The following ITGAE variants were observed in gnomAD, a reference collection of about 807,000 sequenced individuals.
ITGAE encodes the protein integrin subunit alpha E.
ITGAE carries 99 observed loss-of-function variants against 136.5 expected under a neutral mutation model. The ratio of observed to expected loss-of-function variants is 0.73; its 90% CI spans 0.62 to 0.86. The LOEUF (loss-of-function observed/expected upper bound fraction) is 0.86. Ranked by LOEUF, ITGAE falls within the 40% of genes least tolerant of loss-of-function variation. The pLI is 0.00. For missense variants in ITGAE, 1,447 were observed against 1,515.3 expected (o/e 0.95, Z 0.75); for synonymous variants, 613 against 591.8 (o/e 1.04, Z -0.52).
At chr17:3,729,606 T>G in intron 23 of ITGAE, 51 bp from the exon 24 acceptor site, 1 of 1,199,174 alleles carries the variant, frequency 8.3e-7, no homozygotes, top group Non-Finnish European at 1.2e-6. Context: ...ACATAGCAAG[T>G]GCTTCTTAAA....
chr17:3,719,676 GAC>G, intron 29 of ITGAE, among the ~76,000 whole-genome samples: 1 of 152,230 alleles, frequency 6.6e-6, no homozygotes, highest in South Asian at 2.1e-4. Context: ...AGCACACTAA[GAC>G]AGTTACTGGA....
rs1455506212 is a variant in ITGAE at position 3,727,999 on chromosome 17, C to G, written c.3004G>C (p.Glu1002Gln). 1.9e-6 allele frequency: 3 copies of G among 1,614,108 alleles called. No individual in the cohort carries two copies. Among genetic ancestry groups the G allele is most frequent in the Non-Finnish European group, 2.5e-6 (3 of 1,179,962 alleles). The change falls in exon 26 of 31, where the codon GAA becomes CAA. Residue 1002 changes from glutamate to glutamine, a missense_variant. Coordinates refer to ENST00000263087, the MANE Select transcript of ITGAE (RefSeq NM_002208.5). ...GGGACGCAAATTTGCAACTGGTATT[C>G]TGCTCCAAAGAGGTTCTCCCCATGT... is the stretch of plus-strand genomic sequence containing the variant. The part of the protein sequence containing the change: ...HVHGENLFGA[E>Q]YQLQICVPTK...
intron 2 of ITGAE, 50 bp downstream of exon 2, chr17:3,777,490 G>T: frequency 6.4e-7 from 1 of 1,556,432 alleles, no homozygotes; most frequent in Non-Finnish European, 8.7e-7. Context: ...ATCTCAGATT[G>T]CCTGGAAGCC....
At chr17:3,730,199 T>TA (rs1567516654) in intron 23 of ITGAE, among the ~76,000 whole-genome samples, 2 of 152,026 alleles carry the variant, frequency 1.3e-5, no homozygotes, top group Non-Finnish European at 2.9e-5. Context: ...CTCATGCCTG[T>TA]AATCCCAGTG....
intron 2 of ITGAE, among the ~76,000 whole-genome samples, chr17:3,776,054 C>CTT (rs71153398): frequency 0.019 from 2,322 of 122,772 alleles, 120 homozygotes; most frequent in African/African-American, 0.061. Flanking sequence ...GTGCTAAGCC[C>CTT]TTTTTTTTTT....
intron 10 of ITGAE, 94 bp from the exon 11 acceptor site, chr17:3,755,991 G>C: frequency 8.2e-7 from 1 of 1,218,636 alleles, no homozygotes; most frequent in South Asian, 1.3e-5. Context: ...ACTCCCAGAA[G>C]GAACCATGCT....
At position 3,725,391 on chromosome 17, in the gene ITGAE, C is replaced by T. The variant is rs113236129; in HGVS notation, c.3085-1647G>A. ...TTGCCTTCCCACAGAAAAACTGCAA[C>T]GCTGTGAGAAGATTGGGGAAGGGGT... On this transcript the variant is annotated intron_variant, in intron 26 of 30. Transcript: ENST00000263087. The T allele has an allele frequency of 3.1e-6, 5 of 1,614,064 alleles. No individual in the cohort carries two copies. The Admixed American group carries it at 5.0e-5, about 16-fold the overall frequency.
Position 3,731,335 on chromosome 17 carries a change from CTTTTTT to C in ITGAE, c.2755-158_2755-153del, listed in dbSNP as rs78134599. 108 of 398,620 alleles carry C rather than the reference CTTTTTT, an allele frequency of 2.7e-4. 1 individual carries two copies. The highest frequency in any genetic ancestry group is 7.0e-4 in the South Asian group (28 of 39,826). 24.7% of individuals were successfully genotyped at this position (398,620 alleles called of 1,614,324 possible). A position where few individuals can be genotyped will look rare whatever the true frequency, so the allele number is the denominator to read the frequency against. ...AACACAGCATGTTTCCTTTCCCTTCCTTTTTTTTTTTTTTTTTTTTTTTTGAGAGGG... is the reference window on the plus strand; with the variant it reads ...AACACAGCATGTTTCCTTTCCCTTCCTTTTTTTTTTTTTTTTTTGAGAGGG... On this transcript the variant is annotated intron_variant, in intron 22 of 30. Transcript: ENST00000263087.
chr17:3,790,806 G>A (rs758330937), intron 1 of ITGAE, among the ~76,000 whole-genome samples: 1 of 152,154 alleles, frequency 6.6e-6, no homozygotes, highest in Non-Finnish European at 1.5e-5. Context: ...CACAGCAACC[G>A]CATGTCATGT....
At chr17:3,796,051 CTG>C (rs10598583) in intron 1 of ITGAE, among the ~76,000 whole-genome samples, 84,630 of 121,462 alleles carry the variant, frequency 0.7, 29,425 homozygotes, top group Admixed American at 0.77. Flanking sequence ...GTGTGTGCAT[CTG>C]TGTGTGTGCA....
intron 17 of ITGAE, among the ~76,000 whole-genome samples, chr17:3,747,593 G>A (rs1181068510): frequency 6.6e-6 from 1 of 152,160 alleles, no homozygotes; most frequent in Non-Finnish European, 1.5e-5. Flanking sequence ...ACAGGCGTGA[G>A]CCACCGCGCC....
chr17:3,728,226 CA>C, intron 24 of ITGAE, 58 bp from the exon 25 acceptor site: 1 of 1,315,716 alleles, frequency 7.6e-7, no homozygotes, highest in East Asian at 2.3e-5. Context: ...TTTTTGGAGA[CA>C]GGGTCTCACT....
intron 29 of ITGAE, chr17:3,718,086 T>C (rs1457487214): frequency 2.0e-5 from 3 of 152,272 alleles, no homozygotes; most frequent in Non-Finnish European, 2.9e-5. Context: ...CGGGTACTAC[T>C]GTTTGCAGCA....
At chr17:3,732,501 CCAAA>C (rs1567518455) in intron 21 of ITGAE, 35 bp from the exon 22 acceptor site, 6 of 1,558,558 alleles carry the variant, frequency 3.8e-6, no homozygotes, top group Non-Finnish European at 5.3e-6. Context: ...TCTTAAAGAG[CCAAA>C]CAAAACAAAA....
At chr17:3,741,231 C>T (rs1416875018) in intron 19 of ITGAE, among the ~76,000 whole-genome samples, 4 of 143,280 alleles carry the variant, frequency 2.8e-5, no homozygotes, top group Non-Finnish European at 6.0e-5. Context: ...CTGCCCGCCA[C>T]CACGCCCAGC....
chr17:3,729,667 T>A lies in ITGAE; in HGVS notation c.2835-112A>T, dbSNP rs2051296920. ...AGGAGTGCAGTGTTGCCGTCTCAGC[T>A]CACTGCAACCTCCGCCCCCCGGGTT... On this transcript the variant is annotated intron_variant, in intron 23 of 30. Transcript: ENST00000263087. 5.3e-6 allele frequency: 4 copies of A among 761,114 alleles called. No homozygotes were observed. In the South Asian group the frequency reaches 5.6e-5, roughly 11 times the overall value. The allele number at this position is 761,114 out of a possible 1,614,324, so 47.1% of individuals were successfully genotyped here.
Position 3,757,802 on chromosome 17 carries a change from C to T in ITGAE, c.924G>A (p.Val308=). Residue 308 remains valine, a synonymous_variant, in exon 9 of 31, where the codon GTG becomes GTA. Coordinates refer to ENST00000263087, the MANE Select transcript of ITGAE (RefSeq NM_002208.5). ...GSRRKASKVM[V]VLTDGGIFED... ...CGAATATGCCACCATCGGTGAGCAC[C>T]ACCATGACCTTGGATGCCTTTCTCC... is the stretch of plus-strand genomic sequence containing the variant. 1 of 1,614,132 alleles carries T rather than the reference C, an allele frequency of 6.2e-7. No individual in the cohort carries two copies. Among genetic ancestry groups the T allele is most frequent in the South Asian group, 1.1e-5 (1 of 91,078 alleles).
rs2053163618 is a variant in ITGAE, at chr17:3,798,039, C to G, written c.34+3072G>C. 6.6e-6 allele frequency among the ~76,000 whole-genome samples: 1 copy of G among 152,212 alleles called. No homozygotes were observed. The highest frequency in any genetic ancestry group is 2.1e-4 in the South Asian group (1 of 4,836). On this transcript the variant is annotated intron_variant, in intron 1 of 30. Transcript: ENST00000263087. The surrounding 1 kb of genome is among the most constrained non-coding windows in gnomAD (Gnocchi z 4.3). ...ACCGTGGGCCTCTCGGGACTGGATG[C>G]CCGCATTCCTCCACTTATACCACAC...
chr17:3,787,273 G>A (rs1025416328), intron 1 of ITGAE, among the ~76,000 whole-genome samples: 6 of 151,778 alleles, frequency 4.0e-5, no homozygotes, highest in Admixed American at 6.6e-5. Context: ...CACCACACCC[G>A]CCTAAGTTTT....
Sources: gnomAD v4.1 joint callset for allele counts (sites outside exome capture counted in the v4.1 genomes callset) on GRCh38, gnomAD v4.1.1 for gene constraint, Gnocchi (gnomAD v3.1) non-coding constraint, MANE v1.5 for transcripts, NCBI Gene and HGNC (gene_info 2026-07-23, HGNC 2026-07-21) for gene names.